Variants in UQCC1 observed in about 807,000 individuals in gnomAD.
UQCC1 encodes the protein bFGF-repressed Zic-binding protein.
A neutral mutation model predicts 48.0 loss-of-function variants in UQCC1; 38 were observed. The observed-to-expected ratio is 0.79, with a 90% CI of 0.61 to 1.04. UQCC1 has a LOEUF of 1.04. UQCC1 is among the 50% of genes least tolerant of loss of function. The pLI is 0.00. For synonymous variants in UQCC1, 111 were observed against 129.2 expected, an observed-to-expected ratio of 0.86 and a Z score of 0.95; for missense variants, 368 against 381.8, an observed-to-expected ratio of 0.96 and a Z score of 0.30.
rs746372355 is a variant in UQCC1, at chr20:35,303,962, A to G, written c.873T>C (p.Ser291=). ...AAAGTCCCTCGTCGTTGTAAGTCGG[A>G]GAATGGGGCTTCAGGATGCTCTGAG... ...KNPQSILKPH[S]PTYNDEGL The change falls in exon 10 of 10, where the codon TCT becomes TCC. Residue 291 remains serine (S), a synonymous_variant. Transcript: ENST00000374385. The G allele has an allele frequency of 1.2e-6, 2 of 1,614,166 alleles. No individual in the cohort carries two copies. The highest frequency in any genetic ancestry group is 2.2e-5 in the South Asian group (2 of 91,084).
chr20:35,405,798 G>C (rs536901233), intron 1 of UQCC1, among the ~76,000 whole-genome samples: 112 of 152,336 alleles, frequency 7.4e-4, no homozygotes, highest in African/African-American at 2.6e-3. Context: ...TGAGGCGGGA[G>C]AATCGCTTGA....
At chr20:35,304,700 G>A (rs2060909540) in intron 9 of UQCC1, 2 of 152,778 alleles carry the variant, frequency 1.3e-5, no homozygotes, top group African/African-American at 4.8e-5. Flanking sequence ...CACCTCTCTA[G>A]GACAGTAGGG....
chr20:35,376,987 A>G (rs1243924455), intron 4 of UQCC1, among the ~76,000 whole-genome samples: 2 of 149,018 alleles, frequency 1.3e-5, no homozygotes, highest in Non-Finnish European at 3.0e-5. Flanking sequence ...AAAGAAAAAG[A>G]AAAGGAAAAA....
intron 2 of UQCC1, among the ~76,000 whole-genome samples, chr20:35,387,475 T>C (rs1406447140): frequency 6.6e-6 from 1 of 151,982 alleles, no homozygotes. Context: ...CTCAACACCA[T>C]TCTGGGCATG....
At chr20:35,348,835 G>C (rs1021086266) in intron 6 of UQCC1, among the ~76,000 whole-genome samples, 1 of 152,040 alleles carries the variant, frequency 6.6e-6, no homozygotes, top group African/African-American at 2.4e-5. Flanking sequence ...TTATTTTTTT[G>C]TAGAGACGGG....
intron 1 of UQCC1, among the ~76,000 whole-genome samples, chr20:35,398,470 A>C (rs1362914972): frequency 6.6e-6 from 1 of 152,198 alleles, no homozygotes; most frequent in Non-Finnish European, 1.5e-5. Flanking sequence ...AAAGGCATTA[A>C]ATTTTTAAAC....
intron 8 of UQCC1, 83 bp from the exon 9 acceptor site, chr20:35,306,862 G>T: frequency 9.0e-7 from 1 of 1,111,778 alleles, no homozygotes; most frequent in Non-Finnish European, 1.4e-6. Context: ...GAACATGCTA[G>T]CAACCATGGA....
At chr20:35,384,244 C>A in intron 2 of UQCC1, 111 bp from the exon 3 acceptor site, 1 of 940,362 alleles carries the variant, frequency 1.1e-6, no homozygotes, top group Non-Finnish European at 1.6e-6. Context: ...ACTTAGCCCA[C>A]TTCCCCGTGA....
At chr20:35,403,273 G>C (rs895038383) in intron 1 of UQCC1, among the ~76,000 whole-genome samples, 4 of 152,120 alleles carry the variant, frequency 2.6e-5, no homozygotes. Context: ...TGTGGTATTA[G>C]AATAGATTAG....
In UQCC1 at chr20:35,383,537, T is replaced by C. The variant is rs141670638; in HGVS notation, c.225+501A>G. On this transcript the variant is annotated intron_variant, in intron 3 of 9. Transcript: ENST00000374385. Reference sequence around the variant, plus strand: ...CAGTAGTGAGCCATGATCATGCCACTGCACTCCACCAGGGTAACAGAGCAA... The same window carrying C: ...CAGTAGTGAGCCATGATCATGCCACCGCACTCCACCAGGGTAACAGAGCAA... Among the ~76,000 whole-genome samples, 11 of 152,190 alleles carry C rather than the reference T, an allele frequency of 7.2e-5. No individual in the cohort carries two copies. The East Asian group carries it at 1.9e-3, about 27-fold the overall frequency.
At chr20:35,304,163 A>G in intron 9 of UQCC1, 94 bp from the exon 10 acceptor site, 2 of 1,553,688 alleles carry the variant, frequency 1.3e-6, no homozygotes, top group Admixed American at 3.6e-5. Flanking sequence ...GAGAGGAAGG[A>G]AGGGGACGGG....
chr20:35,328,450 CAT>C (rs1772855487), intron 7 of UQCC1, among the ~76,000 whole-genome samples: 1 of 152,190 alleles, frequency 6.6e-6, no homozygotes. Flanking sequence ...AAGAACCTCA[CAT>C]GTGATAACTC....
chr20:35,353,112 G>GT (rs1568676194), intron 6 of UQCC1, among the ~76,000 whole-genome samples: 2 of 151,744 alleles, frequency 1.3e-5, no homozygotes, highest in South Asian at 2.1e-4. Context: ...GAGTCAAAAA[G>GT]TTTTTTTAGG....
chr20:35,382,086 T>C, intron 3 of UQCC1, 61 bp from the exon 4 acceptor site: 2 of 1,068,692 alleles, frequency 1.9e-6, no homozygotes, highest in East Asian at 4.7e-5. Context: ...TAGAATGCTT[T>C]GTTCCTCATC....
intron 5 of UQCC1, among the ~76,000 whole-genome samples, chr20:35,371,796 G>A (rs1461695490): frequency 1.3e-5 from 2 of 150,100 alleles, no homozygotes; most frequent in African/African-American, 4.9e-5. Context: ...TAAGGCCTAA[G>A]ACCAGGAGTT....
intron 6 of UQCC1, among the ~76,000 whole-genome samples, chr20:35,356,654 A>G (rs1324435155): frequency 6.6e-6 from 1 of 152,230 alleles, no homozygotes; most frequent in East Asian, 1.9e-4. Context: ...GCCCAATGAT[A>G]CAAACCTAGT....
At chr20:35,397,048 A>G (rs1324815760) in intron 1 of UQCC1, among the ~76,000 whole-genome samples, 1 of 151,992 alleles carries the variant, frequency 6.6e-6, no homozygotes, top group Non-Finnish European at 1.5e-5. Context: ...TTCAGGAAAA[A>G]AATACCGGGC....
chr20:35,364,113 A>C (rs1256153473), intron 6 of UQCC1, among the ~76,000 whole-genome samples: 2 of 152,134 alleles, frequency 1.3e-5, no homozygotes, highest in Non-Finnish European at 2.9e-5. Context: ...CTGCCCTCAA[A>C]TACTCCATGT....
At chr20:35,341,004 G>A (rs564159880) in intron 7 of UQCC1, among the ~76,000 whole-genome samples, 200 of 152,098 alleles carry the variant, frequency 1.3e-3, no homozygotes, top group African/African-American at 3.5e-3. Context: ...CGAGAAGGGC[G>A]GATCACCTGA....
Sources: gnomAD v4.1 joint callset for allele counts (sites outside exome capture counted in the v4.1 genomes callset) on GRCh38, gnomAD v4.1.1 for gene constraint, MANE v1.5 for transcripts, NCBI Gene and HGNC (gene_info 2026-07-23, HGNC 2026-07-21) for gene names.